FHOD3: variants seen among roughly 807,000 people sequenced by gnomAD.
The protein encoded by FHOD3 is formin homology 2 domain containing 3.
In FHOD3, 90 loss-of-function variants were observed where a neutral mutation model predicts 173.0. The ratio of observed to expected loss-of-function variants is 0.52; its 90% CI spans 0.44 to 0.62. The LOEUF (loss-of-function observed/expected upper bound fraction) is 0.62. Ranked by LOEUF, FHOD3 falls within the 20% of genes least tolerant of loss-of-function variation. The pLI is 0.00. For synonymous variants in FHOD3, 828 were observed against 823.0 expected (o/e 1.01, Z -0.10); for missense variants, 1,945 against 2,034.7 (o/e 0.96, Z 0.85).
At chr18:36,431,614 A>G (rs914005243) in intron 3 of FHOD3, among the ~76,000 whole-genome samples, 1 of 152,178 alleles carries the variant, frequency 6.6e-6, no homozygotes, top group Non-Finnish European at 1.5e-5. Context: ...AGTGGCCTCT[A>G]AGGTCCCTTC....
intron 3 of FHOD3, among the ~76,000 whole-genome samples, chr18:36,469,598 C>T (rs1200680236): frequency 6.6e-6 from 1 of 152,182 alleles, no homozygotes; most frequent in African/African-American, 2.4e-5. Flanking sequence ...AAATCAAACC[C>T]TTTGACATCA....
chr18:36,654,797 T>C (rs1186285783), intron 13 of FHOD3, among the ~76,000 whole-genome samples: 32 of 152,218 alleles, frequency 2.1e-4, no homozygotes, highest in Admixed American at 2.1e-3. Flanking sequence ...CTTGGTACCA[T>C]GGAGATCTTA....
At chr18:36,335,493 T>TAAA (rs56991651) in intron 1 of FHOD3, among the ~76,000 whole-genome samples, 1,938 of 128,958 alleles carry the variant, frequency 0.015, 40 homozygotes, top group African/African-American at 0.05. Context: ...AGACTCCGTC[T>TAAA]AAAAAAAAAA....
intron 5 of FHOD3, among the ~76,000 whole-genome samples, chr18:36,558,093 A>C (rs1327841011): frequency 6.6e-6 from 1 of 152,146 alleles, no homozygotes; most frequent in Non-Finnish European, 1.5e-5. Flanking sequence ...ACTGAAGTAC[A>C]TTCCTGCACT....
rs754612889 is a variant in FHOD3 at position 36,501,941 on chromosome 18, A to G, written c.347A>G (p.Tyr116Cys). The change falls in exon 4 of 29, where the codon TAC (tyrosine) becomes TGC (cysteine). Residue 116 changes from tyrosine to cysteine, a missense_variant. Tyr to Cys is a radical substitution (Grantham distance 194, BLOSUM62 -2). This residue lies in a region of FHOD3 where 245 missense variants were observed against 267.7 expected (regional missense o/e 0.92). Transcript: ENST00000590592. ...TTATTCTTTATTTCAGAAAAACTAT[A>G]CAACTCCAGCGGACGAGATTTGAGA... The part of the protein sequence containing the change: ...VRVHACIEKL[Y>C]NSSGRDLRRA... 3.1e-6 allele frequency: 5 copies of G among 1,602,016 alleles called. No homozygotes were observed. The highest frequency in any genetic ancestry group is 4.3e-6 in the Non-Finnish European group (5 of 1,173,162).
At chr18:36,701,245 A>G (rs1437013059) in intron 17 of FHOD3, among the ~76,000 whole-genome samples, 1 of 152,184 alleles carries the variant, frequency 6.6e-6, no homozygotes, top group Non-Finnish European at 1.5e-5. Flanking sequence ...CACATCTTTG[A>G]CTATGCAGGC....
chr18:36,506,046 T>G (rs2055281292), intron 4 of FHOD3, among the ~76,000 whole-genome samples: 1 of 152,238 alleles, frequency 6.6e-6, no homozygotes, highest in Non-Finnish European at 1.5e-5. Context: ...TATGCTTACT[T>G]CACAGAAGCT....
chr18:36,314,970 C>G (rs536192393), intron 1 of FHOD3, among the ~76,000 whole-genome samples: 5 of 152,296 alleles, frequency 3.3e-5, no homozygotes, highest in African/African-American at 1.2e-4. Flanking sequence ...CCGAGGAAGT[C>G]TTTCACTGAC....
intron 16 of FHOD3, among the ~76,000 whole-genome samples, chr18:36,692,268 C>T (rs1351821091): frequency 6.6e-6 from 1 of 152,134 alleles, no homozygotes; most frequent in Non-Finnish European, 1.5e-5. Flanking sequence ...GTCTAATGCC[C>T]ATTGTGAGGA....
chr18:36,482,858 C>CACACAGAGAGAGAGAGAG (rs1400178557), intron 3 of FHOD3, among the ~76,000 whole-genome samples: 3 of 130,374 alleles, frequency 2.3e-5, no homozygotes, highest in African/African-American at 9.3e-5. Context: ...CACACACACA[C>CACACAGAGAGAGAGAGAG]AGAGAGAGAG....
chr18:36,437,682 T>TTTTTTTTTTTTTTTTTTA (rs71168224), intron 3 of FHOD3, among the ~76,000 whole-genome samples: 5 of 129,616 alleles, frequency 3.9e-5, no homozygotes, highest in South Asian at 2.6e-4. Context: ...TTTTTTTTTT[T>TTTTTTTTTTTTTTTTTTA]AAGACAGAGT....
chr18:36,718,817 A>G, intron 19 of FHOD3, 102 bp downstream of exon 19: 1 of 1,503,810 alleles, frequency 6.6e-7, no homozygotes, highest in Non-Finnish European at 8.8e-7. Flanking sequence ...GCTATTTGGT[A>G]AAAAGTCCAT....
chr18:36,603,578 A>T (rs1204482012), intron 8 of FHOD3, among the ~76,000 whole-genome samples: 1 of 151,926 alleles, frequency 6.6e-6, no homozygotes, highest in Non-Finnish European at 1.5e-5. Context: ...ATCTCGGCTC[A>T]CTGCAGCCTC....
intron 5 of FHOD3, among the ~76,000 whole-genome samples, chr18:36,543,481 C>T (rs2057302433): frequency 1.3e-5 from 2 of 152,284 alleles, no homozygotes; most frequent in South Asian, 2.1e-4. Flanking sequence ...ATGTCCCCTT[C>T]TTTTGTCCAG....
chr18:36,346,849 G>A (rs2145596553), intron 1 of FHOD3, among the ~76,000 whole-genome samples: 1 of 152,282 alleles, frequency 6.6e-6, no homozygotes, highest in Admixed American at 6.5e-5. Context: ...CATGGCCGGT[G>A]GCCTGCCTCC....
At chr18:36,561,584 T>C (rs558091482) in intron 5 of FHOD3, among the ~76,000 whole-genome samples, 101 of 152,356 alleles carry the variant, frequency 6.6e-4, no homozygotes, top group African/African-American at 2.3e-3. Flanking sequence ...TAAAAACACG[T>C]TAACCATTTT....
chr18:36,617,583 C>CTGTGTGTGTGTGTGTG (rs763613681), intron 9 of FHOD3, among the ~76,000 whole-genome samples: 13 of 116,344 alleles, frequency 1.1e-4, no homozygotes, highest in African/African-American at 3.6e-4. Flanking sequence ...TTGTACTTCC[C>CTGTGTGTGTGTGTGTG]TGTGTGTGTG....
chr18:36,556,672 T>A (rs1039079087), intron 5 of FHOD3, among the ~76,000 whole-genome samples: 1 of 152,236 alleles, frequency 6.6e-6, no homozygotes, highest in Non-Finnish European at 1.5e-5. Context: ...AGAACACTGT[T>A]ATTTTTCTGT....
At chr18:36,452,826 A>G (rs575994071) in intron 3 of FHOD3, among the ~76,000 whole-genome samples, 84 of 151,872 alleles carry the variant, frequency 5.5e-4, no homozygotes, top group Non-Finnish European at 1.0e-3. Context: ...GTGTATATAT[A>G]TGTGTGTGTA....
Sources: allele counts gnomAD v4.1 joint callset (sites outside exome capture counted in the v4.1 genomes callset), GRCh38; gene constraint gnomAD v4.1.1; regional missense constraint gnomAD v4.1.1; transcripts MANE v1.5; gene names NCBI Gene and HGNC (gene_info 2026-07-23, HGNC 2026-07-21).